Variants in RELN observed in about 807,000 individuals in gnomAD.
RELN encodes the protein reelin.
Under a neutral mutation model 427.6 loss-of-function variants are expected in RELN, and 108 were observed. The observed-to-expected ratio is 0.25, with a 90% CI of 0.22 to 0.30. The LOEUF (loss-of-function observed/expected upper bound fraction) is 0.30, where lower values mean the gene tolerates loss of function less well. RELN is among the 10% of genes least tolerant of loss of function. RELN has a pLI of 1.00. For synonymous variants in RELN, 1,524 were observed against 1,513.4 expected (o/e 1.01, Z -0.16); for missense variants, 3,715 against 4,302.8 (o/e 0.86, Z 3.82).
At chr7:103,773,137 T>C (rs866507981) in intron 4 of RELN, among the ~76,000 whole-genome samples, 3 of 98,578 alleles carry the variant, frequency 3.0e-5, no homozygotes, top group Non-Finnish European at 6.9e-5. Context: ...TCTTTCTTTC[T>C]TTCTTTCTTT....
chr7:103,512,560 G>C (rs547961923), intron 50 of RELN, among the ~76,000 whole-genome samples: 6 of 152,162 alleles, frequency 3.9e-5, no homozygotes, highest in Non-Finnish European at 7.3e-5. Context: ...AACCTAAGTA[G>C]TAAGACTATG....
intron 8 of RELN, among the ~76,000 whole-genome samples, chr7:103,711,304 C>A (rs1450883239): frequency 6.6e-6 from 1 of 152,098 alleles, no homozygotes; most frequent in Non-Finnish European, 1.5e-5. Flanking sequence ...AGACCCTAAC[C>A]CTCACCCAAG....
intron 61 of RELN, 103 bp downstream of exon 61, chr7:103,486,094 A>G: frequency 9.5e-7 from 1 of 1,054,482 alleles, no homozygotes; most frequent in Non-Finnish European, 1.5e-6. Context: ...CTGCTTAGTG[A>G]CATCTGTGCC....
intron 16 of RELN, among the ~76,000 whole-genome samples, chr7:103,645,598 C>T (rs928169233): frequency 6.6e-6 from 1 of 151,846 alleles, no homozygotes; most frequent in Non-Finnish European, 1.5e-5. Context: ...AATACATATG[C>T]ACCCAACACT....
At chr7:103,967,619 T>C (rs1796685648) in intron 1 of RELN, among the ~76,000 whole-genome samples, 1 of 152,184 alleles carries the variant, frequency 6.6e-6, no homozygotes, top group Non-Finnish European at 1.5e-5. Flanking sequence ...AATGCCTCTA[T>C]CATGTGAGCA....
At chr7:103,976,532 G>C (rs1019355609) in intron 1 of RELN, among the ~76,000 whole-genome samples, 3 of 152,180 alleles carry the variant, frequency 2.0e-5, no homozygotes, top group African/African-American at 7.2e-5. Flanking sequence ...TGGAGCATTA[G>C]AGAAAAAAGA....
At chr7:103,527,064 T>C (rs1829837811) in intron 46 of RELN, among the ~76,000 whole-genome samples, 1 of 152,122 alleles carries the variant, frequency 6.6e-6, no homozygotes, top group Non-Finnish European at 1.5e-5. Context: ...GTTAAAATAT[T>C]ACTGTTAATA....
At chr7:103,696,673 C>A (rs1300375629) in intron 10 of RELN, among the ~76,000 whole-genome samples, 1 of 152,084 alleles carries the variant, frequency 6.6e-6, no homozygotes, top group Non-Finnish European at 1.5e-5. Flanking sequence ...ACTCCTAATT[C>A]TGGCCAATAT....
intron 3 of RELN, among the ~76,000 whole-genome samples, chr7:103,812,662 C>T (rs1409253170): frequency 6.6e-6 from 1 of 152,156 alleles, no homozygotes; most frequent in African/African-American, 2.4e-5. Context: ...CTTTTTCTTA[C>T]TACTTTTAGA....
At chr7:103,561,978 A>AC (rs398005657) in intron 34 of RELN, 25 bp from the exon 35 acceptor site, 5 of 1,552,730 alleles carry the variant, frequency 3.2e-6, no homozygotes, top group Non-Finnish European at 4.4e-6. Context: ...AAAAAAAAAA[A>AC]CACACCACTG....
chr7:103,816,459 T>C (rs964224806), intron 3 of RELN, among the ~76,000 whole-genome samples: 1 of 151,672 alleles, frequency 6.6e-6, no homozygotes, highest in Non-Finnish European at 1.5e-5. Flanking sequence ...AAAAAATCAA[T>C]ATGCACACAG....
chr7:103,755,240 G>A (rs1791105009), intron 4 of RELN, among the ~76,000 whole-genome samples: 1 of 151,708 alleles, frequency 6.6e-6, no homozygotes, highest in African/African-American at 2.4e-5. Context: ...CGGATCACGA[G>A]GGCGGATCAC....
chr7:103,582,910 A>G (rs992983441), intron 28 of RELN, among the ~76,000 whole-genome samples: 1 of 152,204 alleles, frequency 6.6e-6, no homozygotes, highest in African/African-American at 2.4e-5. Flanking sequence ...TTATATGTCC[A>G]GTGTAGGTTG....
chr7:103,965,557 G>A (rs770155709), intron 1 of RELN, among the ~76,000 whole-genome samples: 6 of 152,134 alleles, frequency 3.9e-5, no homozygotes, highest in Non-Finnish European at 8.8e-5. Flanking sequence ...ACTCTGTCAC[G>A]TATTTTGATT....
intron 11 of RELN, among the ~76,000 whole-genome samples, chr7:103,681,280 G>A (rs1833647322): frequency 6.6e-6 from 1 of 152,062 alleles, no homozygotes; most frequent in Non-Finnish European, 1.5e-5. Context: ...AATCAGTTTT[G>A]ATTTAATTTG....
intron 2 of RELN, among the ~76,000 whole-genome samples, chr7:103,912,554 A>G (rs1795393634): frequency 6.6e-6 from 1 of 152,126 alleles, no homozygotes; most frequent in Admixed American, 6.6e-5. Context: ...GAAATGAAAC[A>G]CATAGAAAAT....
chr7:103,563,993 C>T lies in RELN; in HGVS notation c.5210+1285G>A, dbSNP rs1244525633. On this transcript the variant is annotated intron_variant, in intron 34 of 64. Coordinates refer to ENST00000428762, the MANE Select transcript of RELN (RefSeq NM_005045.4). The surrounding 1 kb of genome is among the most constrained non-coding windows in gnomAD (Gnocchi z 4.1). The stretch of plus-strand genomic sequence containing the variant: ...TGATGTTCACACAACAATGGAATTG[C>T]CTAACGATGCATTTCTCAGATGTAT... 6.6e-6 allele frequency among the ~76,000 whole-genome samples: 1 copy of T among 152,140 alleles called. No individual in the cohort carries two copies. The highest frequency in any genetic ancestry group is 1.5e-5 in the Non-Finnish European group (1 of 68,036).
rs529295921 is a variant in RELN at position 103,620,681 on chromosome 7, C to T, written c.2703-8878G>A. Among the ~76,000 whole-genome samples, 10 of 152,166 alleles carry T rather than the reference C, an allele frequency of 6.6e-5. No homozygotes were observed. The highest frequency in any genetic ancestry group is 2.4e-4 in the African/African-American group (10 of 41,518). ...TAGAGATGAGGTTCCATCATGTTGG[C>T]CAGGCTGGTCTTGAACTCCTGACCT... is the stretch of plus-strand genomic sequence containing the variant. On this transcript the variant is annotated intron_variant, in intron 20 of 64. Transcript: ENST00000428762. The surrounding 1 kb of genome is among the most constrained non-coding windows in gnomAD (Gnocchi z 4.1).
intron 5 of RELN, among the ~76,000 whole-genome samples, chr7:103,750,192 G>A (rs1426241562): frequency 6.6e-6 from 1 of 152,170 alleles, no homozygotes; most frequent in Non-Finnish European, 1.5e-5. Context: ...TGGCCAGGCT[G>A]GTCTTGAACT....
Sources: allele counts gnomAD v4.1 joint callset (sites outside exome capture counted in the v4.1 genomes callset), GRCh38; gene constraint gnomAD v4.1.1; non-coding constraint Gnocchi (gnomAD v3.1); transcripts MANE v1.5; gene names NCBI Gene and HGNC (gene_info 2026-07-23, HGNC 2026-07-21).